The following CCL17 variants were observed in gnomAD, a reference collection of about 807,000 sequenced individuals.
The protein encoded by CCL17 is C-C motif chemokine ligand 17.
A neutral mutation model predicts 7.4 loss-of-function variants in CCL17; 8 were observed. The ratio of observed to expected loss-of-function variants is 1.09; its 90% CI spans 0.64 to 1.96. CCL17 has a LOEUF of 1.96. Ranked by LOEUF, CCL17 falls within the 30% of genes most tolerant of loss-of-function variation. The pLI is 0.00. For synonymous variants in CCL17, 40 were observed against 46.1 expected (o/e 0.87, Z 0.54); for missense variants, 102 against 113.0 (o/e 0.90, Z 0.44).
At chr16:57,400,718 C>T (rs1902580387), upstream of CCL17, among the ~76,000 whole-genome samples, 1 of 152,150 alleles carries the variant, frequency 6.6e-6, no homozygotes. Context: ...CCTGTAATCC[C>T]AGCACTTTGG....
At chr16:57,399,162 G>A in the CCL17 span, among the ~76,000 whole-genome samples, 2 of 152,190 alleles carry the variant, frequency 1.3e-5, no homozygotes, top group Non-Finnish European at 2.9e-5. Flanking sequence ...GAGTGCCAGA[G>A]CTTCTGCCAC....
In CCL17 at chr16:57,415,852, G is replaced by A. The variant is rs1290768088; in HGVS notation, c.276G>A (p.Glu92=). 3 of 1,606,840 alleles carry A rather than the reference G, an allele frequency of 1.9e-6. No individual in the cohort carries two copies. The highest frequency in any genetic ancestry group is 2.6e-6 in the Non-Finnish European group (3 of 1,173,342). The part of the protein sequence containing the change: ...KNAVKYLQSL[E]RS ...CAGTTAAATACCTGCAAAGCCTTGA[G>A]AGGTCTTGAAGCCTCCTCACCCCAG... The change falls in exon 4 of 4, where the codon GAG becomes GAA. Residue 92 remains glutamate, a synonymous_variant. Transcript: ENST00000219244. The surrounding 1 kb of genome is among the most constrained non-coding windows in gnomAD (Gnocchi z 4.5).
chr16:57,406,601 G>A (rs1157096168), intron 1 of CCL17, among the ~76,000 whole-genome samples: 1 of 152,076 alleles, frequency 6.6e-6, no homozygotes, highest in Non-Finnish European at 1.5e-5. Context: ...GGAGCTCACA[G>A]GGAGCTCAGG....
At chr16:57,413,236 G>T (rs1341644506) in intron 1 of CCL17, among the ~76,000 whole-genome samples, 15 of 152,328 alleles carry the variant, frequency 9.8e-5, no homozygotes, top group African/African-American at 3.6e-4. Context: ...TGTGGTCAGG[G>T]CCTCACCTGG....
At chr16:57,401,639 C>T (rs533371293), upstream of CCL17, among the ~76,000 whole-genome samples, 737 of 152,186 alleles carry the variant, frequency 4.8e-3, 6 homozygotes, top group Middle Eastern at 0.034. Flanking sequence ...CTAATGGCTG[C>T]CAAATTCTGT....
In CCL17 at chr16:57,415,313, C is replaced by G; in HGVS notation, c.188+115C>G. The G allele has an allele frequency of 2.7e-6, 2 of 737,846 alleles. No individual in the cohort carries two copies. Among genetic ancestry groups the G allele is most frequent in the South Asian group, 1.5e-5 (1 of 66,242 alleles). The allele number at this position is 737,846 out of a possible 1,614,324, so 45.7% of individuals were successfully genotyped here. A position where few individuals can be genotyped will look rare whatever the true frequency, so the allele number is the denominator to read the frequency against. The stretch of plus-strand genomic sequence containing the variant: ...GGGAAGAGACAGCGGGGCCTTCCTC[C>G]CCAACCCCTGCAGGCTCCCCACACT... On this transcript the variant is annotated intron_variant, in intron 3 of 3. Coordinates refer to ENST00000219244, the MANE Select transcript of CCL17 (RefSeq NM_002987.3). The surrounding 1 kb of genome is among the most constrained non-coding windows in gnomAD (Gnocchi z 4.5).
chr16:57,401,914 T>G (rs540408474), upstream of CCL17, among the ~76,000 whole-genome samples: 12 of 152,294 alleles, frequency 7.9e-5, no homozygotes, highest in African/African-American at 2.9e-4. Context: ...ACTCCCCAAC[T>G]TTCCCTCCAC....
intron 1 of CCL17, 32 bp downstream of exon 1, chr16:57,404,868 C>A (rs1251851369): frequency 6.5e-6 from 1 of 154,310 alleles, no homozygotes; most frequent in Non-Finnish European, 1.5e-5. Flanking sequence ...GCTCCTAACC[C>A]CTCCACTGTG....
At chr16:57,405,519 T>C (rs1445706858) in intron 1 of CCL17, among the ~76,000 whole-genome samples, 2 of 152,030 alleles carry the variant, frequency 1.3e-5, no homozygotes, top group Admixed American at 1.3e-4. Flanking sequence ...GGGAACTCGG[T>C]TTTGCCCTTC....
rs576799357 is a variant in CCL17 at position 57,405,290 on chromosome 16, T to A, written c.-60+454T>A. On this transcript the variant is annotated intron_variant, in intron 1 of 3. Coordinates refer to ENST00000219244, the MANE Select transcript of CCL17 (RefSeq NM_002987.3). Reference sequence around the variant, plus strand: ...AAATAGGCCCAGAAGTTTTTGAGACTCTCTGGGTGTGAAGGATGAGGGCTG... The same window carrying A: ...AAATAGGCCCAGAAGTTTTTGAGACACTCTGGGTGTGAAGGATGAGGGCTG... Among the ~76,000 whole-genome samples the A allele has an allele frequency of 2.2e-4, 33 of 152,008 alleles. No homozygotes were observed. The East Asian group carries it at 6.0e-3, about 28-fold the overall frequency.
chr16:57,409,444 G>A lies in CCL17; in HGVS notation c.-59-4430G>A, dbSNP rs769731257. Among the ~76,000 whole-genome samples the A allele has an allele frequency of 5.9e-5, 9 of 152,292 alleles. No homozygotes were observed. The East Asian group carries it at 1.2e-3, about 20-fold the overall frequency. ...AGAAGTAGGCAGAAATGTGGGCTTC[G>A]TCCTGAGAGTAACGGGGAGGCATTG... On this transcript the variant is annotated intron_variant, in intron 1 of 3. Transcript: ENST00000219244.
At chr16:57,409,649 A>G (rs1261653104) in intron 1 of CCL17, among the ~76,000 whole-genome samples, 13 of 152,176 alleles carry the variant, frequency 8.5e-5, no homozygotes, top group African/African-American at 2.7e-4. Context: ...CAGGTAGCCA[A>G]CTAACACACT....
At chr16:57,401,553 G>C (rs1185790871), upstream of CCL17, among the ~76,000 whole-genome samples, 1 of 151,272 alleles carries the variant, frequency 6.6e-6, no homozygotes, top group Non-Finnish European at 1.5e-5. Context: ...AAAAAGAAAT[G>C]TGCATGAACA....
intron 1 of CCL17, among the ~76,000 whole-genome samples, chr16:57,412,084 G>C (rs1424313186): frequency 2.0e-5 from 3 of 152,230 alleles, no homozygotes; most frequent in Non-Finnish European, 4.4e-5. Flanking sequence ...GAGGAATGTT[G>C]GTGCGAGGCC....
intron 1 of CCL17, among the ~76,000 whole-genome samples, chr16:57,412,765 C>T (rs374808552): frequency 8.3e-4 from 127 of 152,302 alleles, no homozygotes; most frequent in African/African-American, 2.9e-3. Flanking sequence ...ATGGGACTCT[C>T]ATCCTACTGT....
chr16:57,396,441 G>A, the CCL17 span, among the ~76,000 whole-genome samples: 3 of 152,298 alleles, frequency 2.0e-5, no homozygotes, highest in Admixed American at 1.3e-4. Flanking sequence ...TGAGCGGCTG[G>A]AAAGGAGTGT....
At position 57,415,897 on chromosome 16, in the gene CCL17, GAC is replaced by G; in HGVS notation, c.*37_*38del. The stretch of plus-strand genomic sequence containing the variant: ...CCCCAGACTCCTGACTGTCTCCCGG[GAC>G]TACCTGGGACCTCCACCGTTGGTGT... On this transcript the variant is annotated 3_prime_UTR_variant, in exon 4 of 4. Transcript: ENST00000219244. The surrounding 1 kb of genome is among the most constrained non-coding windows in gnomAD (Gnocchi z 4.5). The G allele has an allele frequency of 7.3e-7, 1 of 1,365,548 alleles. No individual in the cohort carries two copies. Among genetic ancestry groups the G allele is most frequent in the Non-Finnish European group, 1.0e-6 (1 of 953,840 alleles). The allele number at this position is 1,365,548 out of a possible 1,614,324, so 84.6% of individuals were successfully genotyped here. A position where few individuals can be genotyped will look rare whatever the true frequency, so the allele number is the denominator to read the frequency against.
At chr16:57,398,579 C>G in the CCL17 span, among the ~76,000 whole-genome samples, 1 of 152,110 alleles carries the variant, frequency 6.6e-6, no homozygotes, top group East Asian at 1.9e-4. Context: ...CCAGTGATCC[C>G]AAGGAACCCC....
upstream of CCL17, among the ~76,000 whole-genome samples, chr16:57,401,046 T>TCTG (rs1902584763): frequency 7.2e-6 from 1 of 138,258 alleles, no homozygotes; most frequent in Non-Finnish European, 1.6e-5. Flanking sequence ...CAGACACCCT[T>TCTG]CTTCTTCTTC....
Sources: gnomAD v4.1 joint callset for allele counts (sites outside exome capture counted in the v4.1 genomes callset) on GRCh38, gnomAD v4.1.1 for gene constraint, Gnocchi (gnomAD v3.1) non-coding constraint, MANE v1.5 for transcripts, NCBI Gene and HGNC (gene_info 2026-07-23, HGNC 2026-07-21) for gene names.